Variants in DHRS4L2 observed in about 807,000 individuals in gnomAD.
DHRS4L2 encodes dehydrogenase/reductase 4 like 2, also known as dehydrogenase/reductase SDR family member 4-like 2.
A neutral mutation model predicts 23.9 loss-of-function variants in DHRS4L2; 22 were observed. The observed-to-expected ratio is 0.92, with a 90% CI of 0.66 to 1.31. The LOEUF (loss-of-function observed/expected upper bound fraction) is 1.31. Ranked by LOEUF, DHRS4L2 falls within the 40% of genes most tolerant of loss-of-function variation. DHRS4L2 has a pLI of 0.00. For missense variants in DHRS4L2, 385 were observed against 303.3 expected (o/e 1.27, Z -2.00); for synonymous variants, 141 against 123.7 (o/e 1.14, Z -0.93).
intron 2 of DHRS4L2, among the ~76,000 whole-genome samples, chr14:23,994,689 A>C (rs1016936292): frequency 3.3e-5 from 5 of 151,960 alleles, no homozygotes; most frequent in Middle Eastern, 3.4e-3. Flanking sequence ...CTCCATCTAA[A>C]AAAGAAAGAA....
chr14:24,001,026 T>A lies in DHRS4L2; in HGVS notation c.480-7T>A. The A allele has an allele frequency of 1.2e-6, 2 of 1,611,438 alleles. No homozygotes were observed. Among genetic ancestry groups the A allele is most frequent in the East Asian group, 4.5e-5 (2 of 44,884 alleles). On this transcript the variant is annotated splice_polypyrimidine_tract_variant and splice_region_variant and intron_variant, in intron 4 of 7. Coordinates refer to ENST00000335125, the MANE Select transcript of DHRS4L2 (RefSeq NM_198083.4). ...TGGGAAGACGGTCAGCTCTCTTCTT[T>A]TTCCAGAGGCGGCTCAGTGGTGATC... is the stretch of plus-strand genomic sequence containing the variant.
upstream of DHRS4L2, among the ~76,000 whole-genome samples, chr14:23,986,401 G>A (rs972530301): frequency 3.3e-5 from 5 of 150,890 alleles, no homozygotes; most frequent in African/African-American, 7.3e-5. Flanking sequence ...GAGGAATACC[G>A]AATGTAAATG....
At chr14:23,982,079 C>T (rs747028740) in intron 1 of DHRS4L2, among the ~76,000 whole-genome samples, 2 of 151,644 alleles carry the variant, frequency 1.3e-5, no homozygotes, top group Non-Finnish European at 1.5e-5. Flanking sequence ...TCATGGGTGT[C>T]GGGCTGGGGG....
chr14:23,975,657 G>A lies in DHRS4L2; in HGVS notation c.-176+5325G>A, dbSNP rs113969665. Among the ~76,000 whole-genome samples the A allele has an allele frequency of 2.0e-3, 301 of 151,684 alleles. 2 individuals are homozygous for A. The highest frequency in any genetic ancestry group is 0.01 in the Middle Eastern group (3 of 294). On this transcript the variant is annotated intron_variant, in intron 1 of 5. Transcript: ENST00000534993. Reference sequence around the variant, plus strand: ...AAGCAAAAAGAACAAAGCTGGAGGCGTCACACTACCTGACTTCAAACTATA... The same window carrying A: ...AAGCAAAAAGAACAAAGCTGGAGGCATCACACTACCTGACTTCAAACTATA...
intron 1 of DHRS4L2, among the ~76,000 whole-genome samples, chr14:23,989,525 G>A (rs61999796): frequency 0.022 from 3,387 of 151,690 alleles, 115 homozygotes; most frequent in Middle Eastern, 0.054. Context: ...GCCATGTGTC[G>A]AGACTTTTTT....
chr14:23,987,729 T>G (rs1430908704), upstream of DHRS4L2, among the ~76,000 whole-genome samples: 1 of 151,832 alleles, frequency 6.6e-6, no homozygotes, highest in East Asian at 1.9e-4. Context: ...AAGCTTAGCT[T>G]TATGAAACTC....
In DHRS4L2 at chr14:24,004,264, G is replaced by T. The variant is rs529830145; in HGVS notation, c.666-73G>T. On this transcript the variant is annotated intron_variant, in intron 6 of 7. Coordinates refer to ENST00000335125, the MANE Select transcript of DHRS4L2 (RefSeq NM_198083.4). The stretch of plus-strand genomic sequence containing the variant: ...GGCCTGGGCAAAAGAGCAAGACTCC[G>T]TCTCTAAAAAAAAAAAAAAAAAAAG... The T allele has an allele frequency of 4.9e-5, 68 of 1,381,290 alleles. 1 individual carries two copies. The highest frequency in any genetic ancestry group is 6.3e-5 in the Non-Finnish European group (67 of 1,063,910). 85.6% of individuals were successfully genotyped at this position (1,381,290 alleles called of 1,614,324 possible). A position where few individuals can be genotyped will look rare whatever the true frequency, so the allele number is the denominator to read the frequency against.
Position 23,977,199 on chromosome 14 carries a change from A to G in DHRS4L2, c.-176+6867A>G, listed in dbSNP as rs545445572. On this transcript the variant is annotated intron_variant, in intron 1 of 5. Transcript: ENST00000534993. Reference sequence around the variant, plus strand: ...TATCAGTCAGCCTCTGGCACCTACAAATCCATTCACTGTTTTCTTTTCTGG... The same window carrying G: ...TATCAGTCAGCCTCTGGCACCTACAGATCCATTCACTGTTTTCTTTTCTGG... Among the ~76,000 whole-genome samples the G allele has an allele frequency of 3.5e-3, 525 of 152,016 alleles. 7 individuals are homozygous for G. Among genetic ancestry groups the G allele is most frequent in the African/African-American group, 0.011 (456 of 41,468 alleles).
intron 2 of DHRS4L2, among the ~76,000 whole-genome samples, chr14:23,992,415 T>C (rs1356415619): frequency 2.0e-5 from 3 of 151,592 alleles, no homozygotes; most frequent in African/African-American, 4.8e-5. Context: ...GATAGAATAC[T>C]TGTCAGCAAT....
intron 1 of DHRS4L2, among the ~76,000 whole-genome samples, chr14:23,978,006 G>A (rs920542234): frequency 2.6e-5 from 4 of 151,602 alleles, no homozygotes; most frequent in African/African-American, 9.7e-5. Context: ...ACTTCAGAAT[G>A]CTGACTGCAT....
chr14:23,980,724 T>C (rs1251387576), intron 1 of DHRS4L2, among the ~76,000 whole-genome samples: 2 of 151,058 alleles, frequency 1.3e-5, no homozygotes, highest in Admixed American at 6.6e-5. Flanking sequence ...TCTCAATAGA[T>C]GCAGAAAAGA....
At chr14:23,990,393 G>C (rs1160701050) in intron 2 of DHRS4L2, 34 bp downstream of exon 2, 11 of 1,586,112 alleles carry the variant, frequency 6.9e-6, no homozygotes, top group African/African-American at 2.7e-5. Flanking sequence ...AGAGCCAGGA[G>C]GTGGAAAAGG....
At chr14:23,977,812 A>T (rs937967191) in intron 1 of DHRS4L2, among the ~76,000 whole-genome samples, 4 of 151,622 alleles carry the variant, frequency 2.6e-5, no homozygotes, top group African/African-American at 9.7e-5. Context: ...CTTAGACCAG[A>T]TGACAAAAAC....
intron 3 of DHRS4L2, among the ~76,000 whole-genome samples, chr14:23,996,461 T>A (rs1007918256): frequency 3.3e-5 from 5 of 150,876 alleles, no homozygotes; most frequent in African/African-American, 7.3e-5. Flanking sequence ...CAGCGAGACC[T>A]TTTCTCTATA....
chr14:23,984,947 C>T (rs1164531929), upstream of DHRS4L2, among the ~76,000 whole-genome samples: 1 of 151,232 alleles, frequency 6.6e-6, no homozygotes, highest in Non-Finnish European at 1.5e-5. Flanking sequence ...GAACAAGGGC[C>T]CTGAGCTTCT....
At chr14:23,972,878 C>A (rs1391656558) in intron 1 of DHRS4L2, among the ~76,000 whole-genome samples, 1 of 151,970 alleles carries the variant, frequency 6.6e-6, no homozygotes, top group African/African-American at 2.4e-5. Flanking sequence ...AGGGAAGGTA[C>A]TATGACTGGA....
chr14:24,000,959 G>A (rs572457229), intron 4 of DHRS4L2, 26 bp downstream of exon 4: 1 of 1,611,430 alleles, frequency 6.2e-7, no homozygotes, highest in African/African-American at 1.4e-5. Context: ...GAGAGCCTGG[G>A]TGAGAGGGGA....
At chr14:24,001,665 G>A in intron 6 of DHRS4L2, 148 bp downstream of exon 6, 2 of 1,231,624 alleles carry the variant, frequency 1.6e-6, no homozygotes, top group South Asian at 3.1e-5. Context: ...TGTACCACCT[G>A]CCCTATACAA....
chr14:23,986,700 G>A (rs576733564), upstream of DHRS4L2, among the ~76,000 whole-genome samples: 9 of 151,366 alleles, frequency 5.9e-5, 1 homozygote, highest in South Asian at 1.0e-3. Context: ...CAGTGGGCCC[G>A]TCTACCTCTG....
Sources: gnomAD v4.1 joint callset for allele counts (sites outside exome capture counted in the v4.1 genomes callset) on GRCh38, gnomAD v4.1.1 for gene constraint, MANE v1.5 for transcripts, NCBI Gene and HGNC (gene_info 2026-07-23, HGNC 2026-07-21) for gene names.